The following KIAA1217 variants were observed in gnomAD, a reference collection of about 807,000 sequenced individuals.
KIAA1217 encodes the protein KIAA1217.
Under a neutral mutation model 163.9 loss-of-function variants are expected in KIAA1217, and 88 were observed. The observed-to-expected ratio is 0.54, with a 90% CI of 0.45 to 0.64. The LOEUF (loss-of-function observed/expected upper bound fraction) is 0.64, where lower values mean the gene tolerates loss of function less well. Among genes scored for constraint, KIAA1217 ranks in the 30% least tolerant of loss-of-function variants. KIAA1217 has a pLI of 0.00. For missense variants in KIAA1217, 2,372 were observed against 2,475.0 expected (o/e 0.96, Z 0.88); for synonymous variants, 903 against 923.1 (o/e 0.98, Z 0.39).
rs1053222999 is a variant in KIAA1217 at position 23,710,197 on chromosome 10, C to T, written c.-321+14963C>T. ...TATGCAGACTGCACTTTTTCTAGGC[C>T]GAGGAGTCCCTGAGCTGCATTACAA... On this transcript the variant is annotated intron_variant, in intron 1 of 18. Transcript: ENST00000376462. Among the ~76,000 whole-genome samples the T allele has an allele frequency of 7.9e-5, 12 of 152,066 alleles. No homozygotes were observed. In the East Asian group the frequency reaches 1.4e-3, roughly 17 times the overall value.
At chr10:24,545,623 C>G (rs2075655050) in intron 20 of KIAA1217, 1 of 1,386,686 alleles carries the variant, frequency 7.2e-7, no homozygotes, top group African/African-American at 1.4e-5. Context: ...TCCTTTCCTC[C>G]TTTCCCGTCC....
At chr10:24,122,034 G>A (rs924517791) in intron 2 of KIAA1217, among the ~76,000 whole-genome samples, 1 of 152,044 alleles carries the variant, frequency 6.6e-6, no homozygotes, top group African/African-American at 2.4e-5. Flanking sequence ...TAGATTGAGA[G>A]GGTACATGTG....
intron 2 of KIAA1217, among the ~76,000 whole-genome samples, chr10:24,271,188 G>T (rs1236742338): frequency 6.6e-6 from 1 of 152,034 alleles, no homozygotes; most frequent in Non-Finnish European, 1.5e-5. Flanking sequence ...CATTCAATTT[G>T]GGACTTATTT....
At position 24,152,065 on chromosome 10, in the gene KIAA1217, G is replaced by A. The variant is rs1016929124; in HGVS notation, c.-170-67561G>A. 5.3e-5 allele frequency among the ~76,000 whole-genome samples: 8 copies of A among 151,778 alleles called. 1 individual carries two copies. The highest frequency in any genetic ancestry group is 2.1e-4 in the South Asian group (1 of 4,786). The stretch of plus-strand genomic sequence containing the variant: ...TCTAGTTCTCCTTCCTCCCTTCCCC[G>A]CTCCCTCCCTCCCTGCATGGCTCTC... On this transcript the variant is annotated intron_variant, in intron 2 of 18. Transcript: ENST00000376462.
chr10:23,957,252 C>T (rs1252399090), intron 1 of KIAA1217, among the ~76,000 whole-genome samples: 1 of 152,142 alleles, frequency 6.6e-6, no homozygotes, highest in Non-Finnish European at 1.5e-5. Context: ...TTCTGGCTTC[C>T]CTGCTCTCCA....
Position 24,474,026 on chromosome 10 carries a change from A to G in KIAA1217, c.1645A>G (p.Ser549Gly). The change falls in exon 6 of 21, where the codon AGC (serine) becomes GGC (glycine). Residue 549 changes from serine (S) to glycine (G), a missense_variant. By Grantham distance (56) the Ser-to-Gly change is moderately conservative. Around this residue, in one of 3 missense-constraint regions of KIAA1217, gnomAD observed 1,431 missense variants for 1,470.3 expected, o/e 0.97. Transcript: ENST00000376454. Reference protein sequence around the residue: ...PLMEKQVFAYSTATIPKDRET... With the variant: ...PLMEKQVFAYGTATIPKDRET... ...AATGGAGAAGCAAGTTTTTGCCTACAGCACGGCGACAATACCCAAAGACAG... is the reference window on the plus strand; with the variant it reads ...AATGGAGAAGCAAGTTTTTGCCTACGGCACGGCGACAATACCCAAAGACAG... 1 of 1,611,210 alleles carries G rather than the reference A, an allele frequency of 6.2e-7. No homozygotes were observed. The highest frequency in any genetic ancestry group is 8.5e-7 in the Non-Finnish European group (1 of 1,178,286).
intron 1 of KIAA1217, among the ~76,000 whole-genome samples, chr10:23,837,056 C>T (rs1838499055): frequency 6.6e-6 from 1 of 152,180 alleles, no homozygotes; most frequent in East Asian, 1.9e-4. Flanking sequence ...ATTCCACACT[C>T]TATGTTCATG....
intron 3 of KIAA1217, among the ~76,000 whole-genome samples, chr10:24,423,625 A>G (rs936150634): frequency 1.3e-5 from 2 of 152,078 alleles, no homozygotes; most frequent in African/African-American, 4.8e-5. Flanking sequence ...ACACCCAGCT[A>G]ATTTTTGTAT....
chr10:24,267,036 C>G (rs2076303108), intron 2 of KIAA1217, among the ~76,000 whole-genome samples: 2 of 152,154 alleles, frequency 1.3e-5, no homozygotes, highest in Admixed American at 1.3e-4. Flanking sequence ...TCCCCTATGG[C>G]TAGATGGCAG....
chr10:23,805,380 A>T (rs1459710569), intron 1 of KIAA1217, among the ~76,000 whole-genome samples: 1 of 152,176 alleles, frequency 6.6e-6, no homozygotes, highest in Non-Finnish European at 1.5e-5. Flanking sequence ...CTGCAGGGAC[A>T]TGGATGGAGC....
intron 2 of KIAA1217, among the ~76,000 whole-genome samples, chr10:24,330,265 A>G (rs953360677): frequency 6.7e-6 from 1 of 149,322 alleles, no homozygotes; most frequent in Non-Finnish European, 1.5e-5. Context: ...ACACCACTGC[A>G]CTCCAGCCTA....
chr10:24,498,554 G>A (rs2067112402), intron 8 of KIAA1217, among the ~76,000 whole-genome samples: 2 of 152,158 alleles, frequency 1.3e-5, no homozygotes, highest in Admixed American at 1.3e-4. Flanking sequence ...TTGGCATGGT[G>A]ACCCACGCCT....
At chr10:24,199,762 A>T (rs1331265846) in intron 2 of KIAA1217, among the ~76,000 whole-genome samples, 1 of 152,144 alleles carries the variant, frequency 6.6e-6, no homozygotes, top group Non-Finnish European at 1.5e-5. Context: ...TGATTCTGTA[A>T]ACTGACCACG....
At chr10:23,911,756 T>G (rs1842439339) in intron 1 of KIAA1217, among the ~76,000 whole-genome samples, 1 of 152,164 alleles carries the variant, frequency 6.6e-6, no homozygotes, top group African/African-American at 2.4e-5. Flanking sequence ...ATTATTCCAT[T>G]AAGATGGCCG....
intron 2 of KIAA1217, among the ~76,000 whole-genome samples, chr10:24,136,168 G>C (rs1243465125): frequency 6.6e-6 from 1 of 152,054 alleles, no homozygotes; most frequent in Non-Finnish European, 1.5e-5. Flanking sequence ...GGATCCATTC[G>C]GCATCGGTAC....
At chr10:24,260,938 G>T (rs1297703417) in intron 2 of KIAA1217, among the ~76,000 whole-genome samples, 4 of 152,098 alleles carry the variant, frequency 2.6e-5, no homozygotes, top group Non-Finnish European at 5.9e-5. Flanking sequence ...CTGTCATGAG[G>T]AAAGGTGACA....
chr10:24,113,755 G>A (rs1174559705), intron 2 of KIAA1217, among the ~76,000 whole-genome samples: 1 of 152,180 alleles, frequency 6.6e-6, no homozygotes, highest in Non-Finnish European at 1.5e-5. Context: ...CCAGGGAACT[G>A]GAAGCCCCTG....
intron 2 of KIAA1217, among the ~76,000 whole-genome samples, chr10:24,144,963 G>C (rs1217270047): frequency 6.6e-6 from 1 of 152,166 alleles, no homozygotes; most frequent in Non-Finnish European, 1.5e-5. Flanking sequence ...CTGCCAAATG[G>C]TCACAATGGT....
chr10:23,809,333 A>C (rs113052286), intron 1 of KIAA1217, among the ~76,000 whole-genome samples: 2 of 152,054 alleles, frequency 1.3e-5, no homozygotes, highest in Admixed American at 1.3e-4. Flanking sequence ...ACTTGGAAAA[A>C]CATTAAAGAT....
Sources: allele counts gnomAD v4.1 joint callset (sites outside exome capture counted in the v4.1 genomes callset), GRCh38; gene constraint gnomAD v4.1.1; regional missense constraint gnomAD v4.1.1; transcripts MANE v1.5; gene names NCBI Gene and HGNC (gene_info 2026-07-23, HGNC 2026-07-21).